SH3RF3: variants seen among roughly 807,000 people sequenced by gnomAD.
SH3RF3 encodes E3 ubiquitin-protein ligase SH3RF3.
In SH3RF3, 29 loss-of-function variants were observed where a neutral mutation model predicts 66.3. The observed-to-expected ratio is 0.44, with a 90% confidence interval of 0.33 to 0.60. The LOEUF is 0.60. Ranked by LOEUF, SH3RF3 falls within the 20% of genes least tolerant of loss-of-function variation. SH3RF3 has a pLI of 0.04. For missense variants in SH3RF3, 1,194 were observed against 1,190.9 expected, an observed-to-expected ratio of 1.00 and a Z score of -0.04; for synonymous variants, 583 against 532.0, an observed-to-expected ratio of 1.10 and a Z score of -1.32.
intron 1 of SH3RF3, among the ~76,000 whole-genome samples, chr2:109,189,710 G>T (rs982399019): frequency 4.6e-5 from 7 of 152,108 alleles, no homozygotes; most frequent in Admixed American, 4.6e-4. Context: ...GAATGTAAAA[G>T]CCCATTAAAA....
chr2:109,412,816 G>A (rs147643052), intron 4 of SH3RF3, among the ~76,000 whole-genome samples: 9 of 152,366 alleles, frequency 5.9e-5, no homozygotes, highest in African/African-American at 2.2e-4. Flanking sequence ...GCAAAGTTAT[G>A]GTTTGGTATG....
intron 1 of SH3RF3, among the ~76,000 whole-genome samples, chr2:109,159,166 G>A (rs562769084): frequency 6.6e-6 from 1 of 152,182 alleles, no homozygotes; most frequent in Non-Finnish European, 1.5e-5. Context: ...CCCATGAGAA[G>A]GGGACTCAGG....
At chr2:109,217,332 T>C (rs1273899118) in intron 1 of SH3RF3, among the ~76,000 whole-genome samples, 1 of 152,232 alleles carries the variant, frequency 6.6e-6, no homozygotes, top group African/African-American at 2.4e-5. Flanking sequence ...TCTTTGTAGA[T>C]ACGTATTTGG....
chr2:109,470,428 TCTTC>T (rs951815447), intron 8 of SH3RF3, among the ~76,000 whole-genome samples: 2 of 152,212 alleles, frequency 1.3e-5, no homozygotes, highest in Non-Finnish European at 2.9e-5. Flanking sequence ...CAGAATTTGC[TCTTC>T]CTTATTGCAC....
intron 1 of SH3RF3, among the ~76,000 whole-genome samples, chr2:109,189,689 TAATC>T (rs1391518777): frequency 6.6e-6 from 1 of 152,158 alleles, no homozygotes; most frequent in African/African-American, 2.4e-5. Flanking sequence ...TATTGTGTAA[TAATC>T]AAAGTTGAAT....
At chr2:109,296,127 C>G (rs529751468) in intron 1 of SH3RF3, among the ~76,000 whole-genome samples, 1 of 152,268 alleles carries the variant, frequency 6.6e-6, no homozygotes, top group South Asian at 2.1e-4. Context: ...TTCTCTACGT[C>G]TGTGCGCAGC....
chr2:109,188,267 A>T (rs936016292), intron 1 of SH3RF3, among the ~76,000 whole-genome samples: 5 of 152,228 alleles, frequency 3.3e-5, no homozygotes, highest in African/African-American at 1.2e-4. Flanking sequence ...ACCCCAGCAG[A>T]CAACTGTGCC....
At chr2:109,361,249 G>A (rs1683045904) in intron 2 of SH3RF3, among the ~76,000 whole-genome samples, 1 of 152,106 alleles carries the variant, frequency 6.6e-6, no homozygotes, top group Admixed American at 6.5e-5. Context: ...GAGGATATTT[G>A]CGTTTATGTT....
At chr2:109,485,694 T>G (rs907557794) in intron 8 of SH3RF3, among the ~76,000 whole-genome samples, 8 of 152,284 alleles carry the variant, frequency 5.3e-5, no homozygotes, top group African/African-American at 1.4e-4. Context: ...ACCACTTGAT[T>G]TCAGGCTTCA....
At chr2:109,232,145 G>A (rs1214525789) in intron 1 of SH3RF3, among the ~76,000 whole-genome samples, 1 of 152,176 alleles carries the variant, frequency 6.6e-6, no homozygotes, top group African/African-American at 2.4e-5. Context: ...TCTTGTAGTG[G>A]AATGACCAGA....
At chr2:109,217,430 A>C (rs546732523) in intron 1 of SH3RF3, among the ~76,000 whole-genome samples, 2 of 152,338 alleles carry the variant, frequency 1.3e-5, no homozygotes, top group South Asian at 2.1e-4. Context: ...TGCTCACCAG[A>C]TGGTTTGTCT....
At chr2:109,472,363 C>T (rs972182063) in intron 8 of SH3RF3, among the ~76,000 whole-genome samples, 7 of 151,868 alleles carry the variant, frequency 4.6e-5, no homozygotes, top group Admixed American at 4.6e-4. Flanking sequence ...GGTGTGCATG[C>T]AGGGTGTCCT....
intron 3 of SH3RF3, among the ~76,000 whole-genome samples, chr2:109,386,828 AACCAAAGAC>A (rs1675835960): frequency 6.6e-6 from 1 of 152,160 alleles, no homozygotes; most frequent in South Asian, 2.1e-4. Context: ...ATTCTCACAA[AACCAAAGAC>A]ACCAAAGGCT....
chr2:109,129,360 ACGCAGGCCG>A lies in SH3RF3; in HGVS notation c.-180_-172del. ...CCCGCCACGCAGGCCGGTCCCCGCC[ACGCAGGCCG>A]GTCGGTGAGCCACTTCGCACCGCCA... On this transcript the variant is annotated 5_prime_UTR_variant, in exon 1 of 10. Coordinates refer to ENST00000309415, the MANE Select transcript of SH3RF3 (RefSeq NM_001099289.3). 3 of 377,898 alleles carry A rather than the reference ACGCAGGCCG, an allele frequency of 7.9e-6. No individual in the cohort carries two copies. Among genetic ancestry groups the A allele is most frequent in the Non-Finnish European group, 1.3e-5 (3 of 224,118 alleles). The allele number at this position is 377,898 out of a possible 1,614,324, so 23.4% of individuals were successfully genotyped here.
intron 1 of SH3RF3, among the ~76,000 whole-genome samples, chr2:109,192,841 C>T (rs989316346): frequency 8.5e-5 from 13 of 152,184 alleles, no homozygotes; most frequent in African/African-American, 2.4e-4. Flanking sequence ...ATTCACCATA[C>T]ATTTCTCCTG....
intron 1 of SH3RF3, among the ~76,000 whole-genome samples, chr2:109,144,162 A>G (rs1362885241): frequency 6.6e-6 from 1 of 152,248 alleles, no homozygotes; most frequent in Non-Finnish European, 1.5e-5. Context: ...TCGATTATAT[A>G]CTTGAACTTT....
chr2:109,328,636 G>A (rs1354716304), intron 1 of SH3RF3, among the ~76,000 whole-genome samples: 2 of 152,180 alleles, frequency 1.3e-5, no homozygotes, highest in Non-Finnish European at 2.9e-5. Flanking sequence ...CCTAGGTCAT[G>A]GTACTGATAT....
At chr2:109,253,200 G>A (rs1187773288) in intron 1 of SH3RF3, among the ~76,000 whole-genome samples, 1 of 152,014 alleles carries the variant, frequency 6.6e-6, no homozygotes, top group Non-Finnish European at 1.5e-5. Flanking sequence ...GCTAGTTTTT[G>A]TATTTTTAGT....
At chr2:109,162,587 T>C (rs962329073) in intron 1 of SH3RF3, among the ~76,000 whole-genome samples, 5 of 152,224 alleles carry the variant, frequency 3.3e-5, no homozygotes, top group African/African-American at 9.6e-5. Flanking sequence ...TAGTATTCCA[T>C]GGTGTATATG....
Sources: allele counts gnomAD v4.1 joint callset (sites outside exome capture counted in the v4.1 genomes callset), GRCh38; gene constraint gnomAD v4.1.1; transcripts MANE v1.5; gene names NCBI Gene and HGNC (gene_info 2026-07-23, HGNC 2026-07-21).